MALRD1: variants seen among roughly 807,000 people sequenced by gnomAD.
The protein encoded by MALRD1 is MAM and LDL receptor class A domain containing 1, also known as MAM and LDL-receptor class A domain-containing protein 1.
Under a neutral mutation model 242.1 loss-of-function variants are expected in MALRD1, and 247 were observed. That is an observed-to-expected ratio of 1.02 (90% CI 0.92 to 1.13). The LOEUF (loss-of-function observed/expected upper bound fraction) is 1.13, where lower values mean the gene tolerates loss of function less well. MALRD1 is among the 50% of genes most tolerant of loss of function. The pLI is 0.00. For synonymous variants in MALRD1, 995 were observed against 866.6 expected (o/e 1.15, Z -2.60); for missense variants, 2,989 against 2,533.1 (o/e 1.18, Z -3.86).
rs1422465377 is a variant in MALRD1 at position 19,193,885 on chromosome 10, T to C, written c.1952-9843T>C. Reference sequence around the variant, plus strand: ...ACACATATATATAATGCAAAGACAATATAAATAAACATTTAACATGACAGA... The same window carrying C: ...ACACATATATATAATGCAAAGACAACATAAATAAACATTTAACATGACAGA... On this transcript the variant is annotated intron_variant, in intron 14 of 39. Coordinates refer to ENST00000454679, the MANE Select transcript of MALRD1 (RefSeq NM_001142308.3). Among the ~76,000 whole-genome samples the C allele has an allele frequency of 7.9e-5, 12 of 151,704 alleles. No homozygotes were observed. In the East Asian group the frequency reaches 2.1e-3, roughly 27 times the overall value.
chr10:19,729,535 G>A (rs940696111), intron 38 of MALRD1, among the ~76,000 whole-genome samples: 2 of 150,040 alleles, frequency 1.3e-5, no homozygotes, highest in African/African-American at 2.5e-5. Flanking sequence ...ACACATGCAT[G>A]TATAGGATCC....
chr10:19,117,310 C>A (rs12267708), intron 5 of MALRD1, among the ~76,000 whole-genome samples: 3,501 of 152,196 alleles, frequency 0.023, 121 homozygotes, highest in African/African-American at 0.079. Flanking sequence ...GTTGTAAATT[C>A]CAGTTTTCAG....
At chr10:19,608,898 A>G (rs1838758999) in intron 35 of MALRD1, among the ~76,000 whole-genome samples, 1 of 152,076 alleles carries the variant, frequency 6.6e-6, no homozygotes, top group African/African-American at 2.4e-5. Context: ...CTCAGAATGC[A>G]TGTACTTCAG....
intron 36 of MALRD1, among the ~76,000 whole-genome samples, chr10:19,664,117 A>G (rs1316745283): frequency 6.6e-6 from 1 of 151,734 alleles, no homozygotes; most frequent in African/African-American, 2.4e-5. Context: ...GGTGACTTTC[A>G]TATTTTTTCC....
chr10:19,325,006 C>CTTTTTTTTTTTTTT (rs34290618), intron 22 of MALRD1, among the ~76,000 whole-genome samples: 47 of 77,956 alleles, frequency 6.0e-4, no homozygotes, highest in Non-Finnish European at 6.0e-4. Flanking sequence ...TCAGTAGTTG[C>CTTTTTTTTTTTTTT]TTTTTTTTTT....
intron 14 of MALRD1, among the ~76,000 whole-genome samples, chr10:19,196,338 T>C (rs1836245826): frequency 1.3e-5 from 2 of 152,120 alleles, no homozygotes; most frequent in Admixed American, 1.3e-4. Context: ...CTTTAAACTT[T>C]CTCTTCTGAA....
intron 28 of MALRD1, among the ~76,000 whole-genome samples, chr10:19,418,547 T>TA (rs75708134): frequency 0.085 from 12,967 of 152,146 alleles, 583 homozygotes; most frequent in East Asian, 0.16. Context: ...TCTAAATTGT[T>TA]TACAATAACA....
chr10:19,560,622 C>T (rs1052591088), intron 32 of MALRD1, among the ~76,000 whole-genome samples: 4 of 152,120 alleles, frequency 2.6e-5, no homozygotes, highest in African/African-American at 9.7e-5. Context: ...CCATAGAATA[C>T]TATGTAGCCA....
intron 31 of MALRD1, among the ~76,000 whole-genome samples, chr10:19,512,695 A>AT (rs1833459033): frequency 6.6e-6 from 1 of 152,188 alleles, no homozygotes; most frequent in Non-Finnish European, 1.5e-5. Context: ...CATTTGTAAA[A>AT]TTTTAAATGA....
intron 5 of MALRD1, among the ~76,000 whole-genome samples, chr10:19,119,596 A>T (rs1836991430): frequency 6.6e-6 from 1 of 152,110 alleles, no homozygotes; most frequent in Admixed American, 6.5e-5. Context: ...ATTGACCTGG[A>T]TGGTGCCAGT....
At chr10:19,673,043 A>G (rs1433058101) in intron 36 of MALRD1, among the ~76,000 whole-genome samples, 2 of 152,124 alleles carry the variant, frequency 1.3e-5, no homozygotes, top group African/African-American at 4.8e-5. Context: ...ATTTTCTGCT[A>G]TATTTTTACT....
intron 36 of MALRD1, among the ~76,000 whole-genome samples, chr10:19,622,237 T>C (rs1478429725): frequency 1.3e-5 from 2 of 151,618 alleles, no homozygotes; most frequent in East Asian, 1.9e-4. Flanking sequence ...CCCTAGAGAA[T>C]TGATAAAAGT....
chr10:19,062,408 A>G (rs1372610576), intron 1 of MALRD1, among the ~76,000 whole-genome samples: 1 of 152,244 alleles, frequency 6.6e-6, no homozygotes, highest in African/African-American at 2.4e-5. Context: ...ACCATATGAT[A>G]TAGCATTTTC....
chr10:19,606,037 T>C (rs555361077), intron 34 of MALRD1, among the ~76,000 whole-genome samples: 2 of 152,284 alleles, frequency 1.3e-5, no homozygotes, highest in East Asian at 1.9e-4. Context: ...TGGAGATACA[T>C]ATTCTTAAAA....
At chr10:19,419,078 T>C (rs1833619151) in intron 28 of MALRD1, among the ~76,000 whole-genome samples, 1 of 152,156 alleles carries the variant, frequency 6.6e-6, no homozygotes, top group Non-Finnish European at 1.5e-5. Context: ...CACACCCTTC[T>C]CCAGCTAACC....
chr10:19,196,511 C>T (rs1836256699), intron 14 of MALRD1, among the ~76,000 whole-genome samples: 2 of 150,016 alleles, frequency 1.3e-5, no homozygotes, highest in Admixed American at 6.7e-5. Flanking sequence ...TGACTTGGCT[C>T]TCATGGCATG....
chr10:19,495,438 T>G (rs1261437665), intron 30 of MALRD1, among the ~76,000 whole-genome samples: 1 of 149,580 alleles, frequency 6.7e-6, no homozygotes. Flanking sequence ...GGGCCTATAT[T>G]CAACATTCTA....
chr10:19,679,759 G>T (rs1564536050), intron 36 of MALRD1, among the ~76,000 whole-genome samples: 1 of 151,904 alleles, frequency 6.6e-6, no homozygotes, highest in Non-Finnish European at 1.5e-5. Context: ...GTCAATTTGA[G>T]ATCTTTTGAG....
intron 33 of MALRD1, among the ~76,000 whole-genome samples, chr10:19,576,352 AC>A (rs1836825064): frequency 6.6e-6 from 1 of 152,166 alleles, no homozygotes; most frequent in African/African-American, 2.4e-5. Context: ...TATTTACACA[AC>A]ATGCATCTCT....
Sources: allele counts gnomAD v4.1 joint callset (sites outside exome capture counted in the v4.1 genomes callset), GRCh38; gene constraint gnomAD v4.1.1; transcripts MANE v1.5; gene names NCBI Gene and HGNC (gene_info 2026-07-23, HGNC 2026-07-21).